PRIM2: variants seen among roughly 807,000 people sequenced by gnomAD.
The protein encoded by PRIM2 is DNA primase large subunit.
Under a neutral mutation model 67.3 loss-of-function variants are expected in PRIM2, and 39 were observed. The observed-to-expected ratio is 0.58, with a 90% CI of 0.45 to 0.76. PRIM2 has a LOEUF of 0.76. Ranked by LOEUF, PRIM2 falls within the 30% of genes least tolerant of loss-of-function variation. The pLI, the probability that PRIM2 is intolerant of heterozygous loss-of-function variation, is 0.00. For synonymous variants in PRIM2, 143 were observed against 198.7 expected, an observed-to-expected ratio of 0.72 and a Z score of 2.36; for missense variants, 398 against 598.7, an observed-to-expected ratio of 0.66 and a Z score of 3.50.
intron 1 of PRIM2, among the ~76,000 whole-genome samples, 184 bp downstream of exon 1, chr6:57,317,885 G>C (rs983788850): frequency 6.6e-6 from 1 of 152,184 alleles, no homozygotes; most frequent in African/African-American, 2.4e-5. Flanking sequence ...AGGTTTGCCA[G>C]TGGAGTGAGG....
At chr6:57,442,723 A>G (rs1772238523) in intron 7 of PRIM2, among the ~76,000 whole-genome samples, 2 of 152,168 alleles carry the variant, frequency 1.3e-5, no homozygotes, top group South Asian at 4.1e-4. Flanking sequence ...TGGGTCACAA[A>G]GTTATGTTAT....
intron 7 of PRIM2, among the ~76,000 whole-genome samples, chr6:57,492,553 AAT>A (rs1471039119): frequency 4.0e-5 from 6 of 151,642 alleles, no homozygotes; most frequent in African/African-American, 1.5e-4. Flanking sequence ...AAAAAAAAAA[AAT>A]AAATAAATAA....
At chr6:57,338,488 C>G (rs1014988409) in intron 5 of PRIM2, among the ~76,000 whole-genome samples, 4 of 150,490 alleles carry the variant, frequency 2.7e-5, no homozygotes, top group African/African-American at 7.4e-5. Flanking sequence ...AATCCAGCAG[C>G]ACATCAAAAA....
intron 12 of PRIM2, among the ~76,000 whole-genome samples, chr6:57,626,587 CA>C (rs1776951865): frequency 1.4e-5 from 2 of 147,438 alleles, no homozygotes; most frequent in Non-Finnish European, 1.5e-5. Flanking sequence ...TCAGCAAATA[CA>C]AATATGAACT....
intron 7 of PRIM2, among the ~76,000 whole-genome samples, chr6:57,463,218 A>G (rs1323613452): frequency 6.6e-6 from 1 of 152,242 alleles, no homozygotes; most frequent in Non-Finnish European, 1.5e-5. Context: ...GAGGCTGGGC[A>G]TGGTGGCTCA....
At chr6:57,491,342 CAT>C (rs1773885842) in intron 7 of PRIM2, among the ~76,000 whole-genome samples, 1 of 152,120 alleles carries the variant, frequency 6.6e-6, no homozygotes, top group Non-Finnish European at 1.5e-5. Flanking sequence ...TTTATGAATT[CAT>C]ATTGCATTTG....
At chr6:57,264,402 G>A in the PRIM2 span, among the ~76,000 whole-genome samples, 4 of 151,824 alleles carry the variant, frequency 2.6e-5, no homozygotes, top group South Asian at 2.1e-4. Flanking sequence ...CTGATTTATC[G>A]CACTGATTTT....
chr6:57,288,527 G>A, the PRIM2 span, among the ~76,000 whole-genome samples: 1 of 152,176 alleles, frequency 6.6e-6, no homozygotes, highest in East Asian at 1.9e-4. Flanking sequence ...GCCTGACTGG[G>A]AGATACCTCC....
the PRIM2 span, among the ~76,000 whole-genome samples, chr6:57,255,179 G>C: frequency 3.3e-5 from 5 of 152,040 alleles, no homozygotes; most frequent in South Asian, 8.3e-4. Context: ...CCATACTGCC[G>C]AGGATCCATA....
chr6:57,460,292 G>C (rs1338209126), intron 7 of PRIM2, among the ~76,000 whole-genome samples: 1 of 152,056 alleles, frequency 6.6e-6, no homozygotes, highest in Non-Finnish European at 1.5e-5. Flanking sequence ...GAAAAGTTAG[G>C]AACATGTTTA....
the PRIM2 span, among the ~76,000 whole-genome samples, chr6:57,280,675 A>G: frequency 1.3e-5 from 2 of 151,900 alleles, no homozygotes. Flanking sequence ...ACGCCTGGCT[A>G]ATCTTTGTAG....
At chr6:57,276,446 CAT>C in the PRIM2 span, among the ~76,000 whole-genome samples, 47,902 of 150,780 alleles carry the variant, frequency 0.32, 8,007 homozygotes, top group South Asian at 0.43. Flanking sequence ...ATACCATTTA[CAT>C]ATATATATAT....
intron 12 of PRIM2, among the ~76,000 whole-genome samples, chr6:57,622,600 T>C (rs1196321117): frequency 6.6e-6 from 1 of 152,236 alleles, no homozygotes; most frequent in Non-Finnish European, 1.5e-5. Context: ...TCTTTTTATT[T>C]CTCATTTTAG....
At chr6:57,267,192 T>C in the PRIM2 span, among the ~76,000 whole-genome samples, 1 of 152,234 alleles carries the variant, frequency 6.6e-6, no homozygotes, top group Admixed American at 6.5e-5. Flanking sequence ...ATACATGTTT[T>C]AGAGCAAAGC....
chr6:57,489,217 G>A (rs1260931465), intron 7 of PRIM2, among the ~76,000 whole-genome samples: 35 of 152,228 alleles, frequency 2.3e-4, no homozygotes, highest in Non-Finnish European at 4.6e-4. Flanking sequence ...AACTGTATTT[G>A]AGATTTGTTT....
At chr6:57,474,502 A>T (rs1431180644) in intron 7 of PRIM2, among the ~76,000 whole-genome samples, 112 of 152,106 alleles carry the variant, frequency 7.4e-4, no homozygotes, top group African/African-American at 2.6e-3. Flanking sequence ...AACATTTAAA[A>T]TTTTTTTCAT....
intron 7 of PRIM2, among the ~76,000 whole-genome samples, chr6:57,408,987 T>C (rs1400174275): frequency 2.0e-5 from 3 of 152,230 alleles, no homozygotes; most frequent in Non-Finnish European, 2.9e-5. Context: ...TAATTCATTC[T>C]TCTATTCTTT....
At chr6:57,321,722 C>T (rs900803395) in intron 3 of PRIM2, among the ~76,000 whole-genome samples, 13 of 152,106 alleles carry the variant, frequency 8.5e-5, no homozygotes, top group African/African-American at 1.2e-4. Context: ...TTGCTATGTA[C>T]CAGATTTTGT....
chr6:57,287,159 A>T, the PRIM2 span, among the ~76,000 whole-genome samples: 1 of 152,196 alleles, frequency 6.6e-6, no homozygotes, highest in Non-Finnish European at 1.5e-5. Flanking sequence ...CGGTGTTGGT[A>T]GGAGTGTAAA....
Sources: allele counts gnomAD v4.1 joint callset (sites outside exome capture counted in the v4.1 genomes callset), GRCh38; gene constraint gnomAD v4.1.1; transcripts MANE v1.5; gene names NCBI Gene and HGNC (gene_info 2026-07-23, HGNC 2026-07-21).